ADAMTS9: variants seen among roughly 807,000 people sequenced by gnomAD.
The protein encoded by ADAMTS9 is ADAM metallopeptidase with thrombospondin type 1 motif 9.
ADAMTS9 carries 107 observed loss-of-function variants against 257.1 expected under a neutral mutation model. That is an observed-to-expected ratio of 0.42 (90% CI 0.36 to 0.49). ADAMTS9 has a LOEUF of 0.49. ADAMTS9 is among the 20% of genes least tolerant of loss of function. The probability of loss-of-function intolerance (pLI) is 0.03; values close to 1 mark genes in which losing one functional copy is unlikely to be tolerated. For synonymous variants in ADAMTS9, 982 were observed against 880.9 expected (o/e 1.11, Z -2.03); for missense variants, 2,353 against 2,469.1 (o/e 0.95, Z 1.00).
intron 11 of ADAMTS9, 39 bp downstream of exon 11, chr3:64,647,900 TC>T (rs1700836116): frequency 6.3e-7 from 1 of 1,575,128 alleles, no homozygotes. Context: ...CTTGCACATT[TC>T]TGCCCTAAGA....
intron 5 of ADAMTS9, 33 bp downstream of exon 5, chr3:64,655,757 TAC>T (rs745384430): frequency 2.5e-6 from 4 of 1,575,016 alleles, no homozygotes; most frequent in Non-Finnish European, 3.5e-6. Flanking sequence ...CCATTTCGGA[TAC>T]AGATAGAAGA....
intron 28 of ADAMTS9, chr3:64,587,536 G>A (rs1396412766): frequency 1.3e-5 from 2 of 151,998 alleles, no homozygotes; most frequent in Non-Finnish European, 2.9e-5. Context: ...TGTGACTAGT[G>A]GCTTCCATAA....
chr3:64,589,195 G>A (rs904588302), intron 28 of ADAMTS9: 1 of 152,142 alleles, frequency 6.6e-6, no homozygotes, highest in African/African-American at 2.4e-5. Flanking sequence ...CTAAACAACA[G>A]TTGTTTGAAG....
chr3:64,656,015 T>TCA lies in ADAMTS9; in HGVS notation c.970-142_970-141dup, dbSNP rs965241810. 7.2e-6 allele frequency: 4 copies of TCA among 558,332 alleles called. No individual in the cohort carries two copies. In the African/African-American group the frequency reaches 7.6e-5, roughly 11 times the overall value. 34.6% of individuals were successfully genotyped at this position (558,332 alleles called of 1,614,324 possible). On this transcript the variant is annotated intron_variant, in intron 4 of 39. Transcript: ENST00000498707. ...TTGTGGTTGTGAATTTTTCATTCAC[T>TCA]CAACAACACTTTTTGTAAAGTCTCT...
At chr3:64,537,146 T>C (rs1014411324) in intron 37 of ADAMTS9, among the ~76,000 whole-genome samples, 3 of 152,244 alleles carry the variant, frequency 2.0e-5, no homozygotes, top group Non-Finnish European at 4.4e-5. Flanking sequence ...GTTTGAAGAA[T>C]GAGCTGGGAA....
rs148467346 is a variant in ADAMTS9, at chr3:64,555,562, C to T, written c.4699-4500G>A. On this transcript the variant is annotated intron_variant, in intron 30 of 39. Coordinates refer to ENST00000498707, the MANE Select transcript of ADAMTS9 (RefSeq NM_182920.2). ...CTGACTGGTGACCCCTGGGGTTTAA[C>T]ACCTAGGGCTACCTGTGCAGTTGTG... Among the ~76,000 whole-genome samples the T allele has an allele frequency of 2.7e-3, 411 of 152,266 alleles. 5 individuals are homozygous for T. Among genetic ancestry groups the T allele is most frequent in the African/African-American group, 9.4e-3 (392 of 41,556 alleles).
Position 64,522,520 on chromosome 3 carries a change from CA to C in ADAMTS9, c.5719-261del, listed in dbSNP as rs369608285. 5.3e-3 allele frequency: 1,620 copies of C among 307,732 alleles called. 16 individuals are homozygous for C. Among genetic ancestry groups the C allele is most frequent in the African/African-American group, 0.033 (1,522 of 46,430 alleles). The allele number at this position is 307,732 out of a possible 1,614,324, so 19.1% of individuals were successfully genotyped here. On this transcript the variant is annotated intron_variant, in intron 38 of 39. Coordinates refer to ENST00000498707, the MANE Select transcript of ADAMTS9 (RefSeq NM_182920.2). ...TTTAAATAATTGAGAAAAAGTAAACCAAAAATTACATTTCTTGACACATAAA... is the reference window on the plus strand; with the variant it reads ...TTTAAATAATTGAGAAAAAGTAAACCAAAATTACATTTCTTGACACATAAA...
At chr3:64,523,546 G>A (rs2082876426) in intron 38 of ADAMTS9, among the ~76,000 whole-genome samples, 1 of 152,320 alleles carries the variant, frequency 6.6e-6, no homozygotes, top group Admixed American at 6.5e-5. Flanking sequence ...GTAAAAATAT[G>A]TGTGGAGCAT....
rs1374662927 is a variant in ADAMTS9 at position 64,641,704 on chromosome 3, A to G, written c.1856+144T>C. On this transcript the variant is annotated intron_variant, in intron 12 of 39. Coordinates refer to ENST00000498707, the MANE Select transcript of ADAMTS9 (RefSeq NM_182920.2). ...AAGTGCCTGGGAATAGACTTTGGGT[A>G]CCGTGGGTCTAAGCAGCCCTTGAAG... 6.2e-6 allele frequency: 6 copies of G among 968,194 alleles called. No individual in the cohort carries two copies. The East Asian group carries it at 1.5e-4, about 24-fold the overall frequency. The allele number at this position is 968,194 out of a possible 1,614,324, so 60.0% of individuals were successfully genotyped here. A position where few individuals can be genotyped will look rare whatever the true frequency, so the allele number is the denominator to read the frequency against.
intron 30 of ADAMTS9, among the ~76,000 whole-genome samples, chr3:64,552,823 C>A (rs1226018447): frequency 2.0e-5 from 3 of 152,162 alleles, no homozygotes; most frequent in African/African-American, 7.2e-5. Context: ...TCCCAAAGTT[C>A]TGGGATTACA....
intron 37 of ADAMTS9, among the ~76,000 whole-genome samples, chr3:64,533,920 G>A (rs1275157845): frequency 6.6e-6 from 1 of 152,112 alleles, no homozygotes; most frequent in Non-Finnish European, 1.5e-5. Flanking sequence ...CATGGCCTCT[G>A]GTGCCTCAAT....
chr3:64,631,353 A>C, intron 16 of ADAMTS9, 102 bp downstream of exon 16: 1 of 910,768 alleles, frequency 1.1e-6, no homozygotes. Flanking sequence ...AATCCATGAC[A>C]TCTGAAAGCT....
At chr3:64,673,235 A>G (rs149545235) in intron 3 of ADAMTS9, among the ~76,000 whole-genome samples, 14 of 152,326 alleles carry the variant, frequency 9.2e-5, no homozygotes, top group Non-Finnish European at 1.9e-4. Context: ...AATGACAGCC[A>G]TCAAGGCACT....
intron 30 of ADAMTS9, among the ~76,000 whole-genome samples, chr3:64,556,008 C>T (rs533842831): frequency 6.6e-6 from 1 of 152,310 alleles, no homozygotes; most frequent in Admixed American, 6.5e-5. Context: ...ACATCAAAAC[C>T]TGGTCATTCC....
rs564737354 is a variant in ADAMTS9 at position 64,590,434 on chromosome 3, T to C, written c.4356+3824A>G. ...ATAAACACTGATTTTTTAAACATTG[T>C]ATATAAAATTAAATAACATGAAAAA... On this transcript the variant is annotated intron_variant, in intron 28 of 39. Coordinates refer to ENST00000498707, the MANE Select transcript of ADAMTS9 (RefSeq NM_182920.2). Among the ~76,000 whole-genome samples the C allele has an allele frequency of 7.4e-4, 113 of 152,332 alleles. 1 individual carries two copies. The highest frequency in any genetic ancestry group is 3.4e-3 in the Admixed American group (52 of 15,294).
At chr3:64,568,846 T>A in intron 28 of ADAMTS9, 1 of 275,096 alleles carries the variant, frequency 3.6e-6, no homozygotes. Context: ...ATTCTGATTT[T>A]AAGAAGTCCT....
At chr3:64,533,700 C>T (rs913340867) in intron 37 of ADAMTS9, among the ~76,000 whole-genome samples, 1 of 152,214 alleles carries the variant, frequency 6.6e-6, no homozygotes, top group Non-Finnish European at 1.5e-5. Flanking sequence ...TGGTGCCAAG[C>T]TTCCTGGGCT....
chr3:64,585,016 A>C (rs961214210), intron 28 of ADAMTS9, among the ~76,000 whole-genome samples: 4 of 152,144 alleles, frequency 2.6e-5, no homozygotes, highest in Non-Finnish European at 5.9e-5. Flanking sequence ...TAATGTAATA[A>C]GGAGTTCAGC....
intron 30 of ADAMTS9, among the ~76,000 whole-genome samples, chr3:64,556,862 G>A (rs2083344659): frequency 6.9e-6 from 1 of 144,528 alleles, no homozygotes; most frequent in Admixed American, 7.0e-5. Flanking sequence ...CCATTATTTT[G>A]TTTCCTTCAT....
Sources: gnomAD v4.1 joint callset for allele counts (sites outside exome capture counted in the v4.1 genomes callset) on GRCh38, gnomAD v4.1.1 for gene constraint, MANE v1.5 for transcripts, NCBI Gene and HGNC (gene_info 2026-07-23, HGNC 2026-07-21) for gene names.